Variants in GALNT13 observed in about 807,000 individuals in gnomAD.
GALNT13 encodes the protein UDP-GalNAc:polypeptide N-acetylgalactosaminyltransferase 13.
A neutral mutation model predicts 64.2 loss-of-function variants in GALNT13; 28 were observed. That is an observed-to-expected ratio of 0.44 (90% CI 0.32 to 0.60). The LOEUF (loss-of-function observed/expected upper bound fraction) is 0.60. Among genes scored for constraint, GALNT13 ranks in the 20% least tolerant of loss-of-function variants. The pLI, the probability that GALNT13 is intolerant of heterozygous loss-of-function variation, is 0.05. For synonymous variants in GALNT13, 214 were observed against 224.6 expected (o/e 0.95, Z 0.42); for missense variants, 577 against 669.8 (o/e 0.86, Z 1.53).
the GALNT13 span, among the ~76,000 whole-genome samples, chr2:153,746,887 T>C: frequency 6.6e-6 from 1 of 152,230 alleles, no homozygotes; most frequent in African/African-American, 2.4e-5. Context: ...TGGATATAAT[T>C]TCTGTAAAAA....
At chr2:153,268,569 C>G in the GALNT13 span, among the ~76,000 whole-genome samples, 5 of 152,258 alleles carry the variant, frequency 3.3e-5, no homozygotes, top group East Asian at 7.7e-4. Context: ...AAGTGGCCCT[C>G]TTTTTACAGT....
the GALNT13 span, among the ~76,000 whole-genome samples, chr2:153,102,257 T>C: frequency 6.6e-6 from 1 of 152,138 alleles, no homozygotes; most frequent in Non-Finnish European, 1.5e-5. Context: ...TGCTTCTGTC[T>C]TTAGATATAG....
the GALNT13 span, among the ~76,000 whole-genome samples, chr2:153,257,126 C>T: frequency 1.8e-3 from 271 of 152,320 alleles, 6 homozygotes; most frequent in East Asian, 0.042. Context: ...TAGGACCCTC[C>T]GAGCCAGGTG....
At chr2:154,158,332 TCTTA>T (rs1393807398) in intron 4 of GALNT13, among the ~76,000 whole-genome samples, 3 of 152,170 alleles carry the variant, frequency 2.0e-5, no homozygotes, top group Non-Finnish European at 4.4e-5. Flanking sequence ...CATCTCTTTC[TCTTA>T]CTATCAACAT....
At chr2:153,190,364 G>T in the GALNT13 span, among the ~76,000 whole-genome samples, 1 of 151,952 alleles carries the variant, frequency 6.6e-6, no homozygotes, top group South Asian at 2.1e-4. Context: ...TATGCTCTTG[G>T]CACCTTTGTC....
chr2:153,745,518 G>A, the GALNT13 span, among the ~76,000 whole-genome samples: 1 of 151,828 alleles, frequency 6.6e-6, no homozygotes, highest in Non-Finnish European at 1.5e-5. Flanking sequence ...TCTCATTCTC[G>A]GCAGGTAATT....
chr2:153,719,108 T>C, the GALNT13 span, among the ~76,000 whole-genome samples: 2 of 152,116 alleles, frequency 1.3e-5, no homozygotes, highest in Non-Finnish European at 2.9e-5. Flanking sequence ...ATTTTCTGTC[T>C]TCATATTTAA....
chr2:154,145,092 C>CTATATATATATA (rs1380676288), intron 4 of GALNT13, among the ~76,000 whole-genome samples: 1 of 127,784 alleles, frequency 7.8e-6, no homozygotes, highest in Non-Finnish European at 1.7e-5. Flanking sequence ...ATCTATCTAT[C>CTATATATATATA]TATCTATCTA....
At chr2:153,463,821 C>G in the GALNT13 span, among the ~76,000 whole-genome samples, 2 of 152,118 alleles carry the variant, frequency 1.3e-5, no homozygotes, top group East Asian at 3.9e-4. Flanking sequence ...ATAGTTGAGA[C>G]AAAACAGTAG....
intron 4 of GALNT13, among the ~76,000 whole-genome samples, chr2:154,163,925 A>G (rs1684879873): frequency 6.6e-6 from 1 of 152,180 alleles, no homozygotes; most frequent in South Asian, 2.1e-4. Context: ...TTATAAAATA[A>G]TAGTATTGAC....
At chr2:154,448,844 A>G (rs1204413060) in intron 12 of GALNT13, among the ~76,000 whole-genome samples, 2 of 151,998 alleles carry the variant, frequency 1.3e-5, no homozygotes, top group Non-Finnish European at 2.9e-5. Context: ...GGGCAATGAC[A>G]TATTTGATAT....
chr2:154,453,154 G>C lies in GALNT13; in HGVS notation c.*2603G>C, dbSNP rs1382262702. The C allele has an allele frequency of 5.3e-5, 8 of 152,054 alleles. No individual in the cohort carries two copies. Among genetic ancestry groups the C allele is most frequent in the African/African-American group, 1.7e-4 (7 of 41,404 alleles). The allele number at this position is 152,054 out of a possible 1,614,324, so 9.4% of individuals were successfully genotyped here. A position where few individuals can be genotyped will look rare whatever the true frequency, so the allele number is the denominator to read the frequency against. On this transcript the variant is annotated 3_prime_UTR_variant, in exon 13 of 13. Coordinates refer to ENST00000392825, the MANE Select transcript of GALNT13 (RefSeq NM_052917.4). ...TTAATCGCAATATGCTTATTATTTAGTTCCCTAATTTCCCAGTCCTTGTCT... is the reference window on the plus strand; with the variant it reads ...TTAATCGCAATATGCTTATTATTTACTTCCCTAATTTCCCAGTCCTTGTCT...
the GALNT13 span, among the ~76,000 whole-genome samples, chr2:153,500,330 G>A: frequency 6.6e-6 from 1 of 152,158 alleles, no homozygotes; most frequent in African/African-American, 2.4e-5. Flanking sequence ...AATGAAACAA[G>A]AGGGTAAGGA....
intron 4 of GALNT13, among the ~76,000 whole-genome samples, chr2:154,225,160 T>TGATAGATGATAGATAGATAGATAGATA (rs1553499133): frequency 1.4e-5 from 2 of 138,024 alleles, no homozygotes; most frequent in African/African-American, 5.5e-5. Flanking sequence ...GATAGATAGA[T>TGATAGATGATAGATAGATAGATAGATA]GATAGATAGA....
At chr2:153,205,350 T>C in the GALNT13 span, among the ~76,000 whole-genome samples, 7 of 152,218 alleles carry the variant, frequency 4.6e-5, no homozygotes, top group East Asian at 1.4e-3. Context: ...GCTGATCTAA[T>C]GTCACTTCCG....
the GALNT13 span, among the ~76,000 whole-genome samples, chr2:153,334,543 A>G: frequency 6.6e-6 from 1 of 152,094 alleles, no homozygotes; most frequent in East Asian, 1.9e-4. Context: ...ACAAAATGAT[A>G]AAGATTTTTT....
At chr2:154,426,978 C>T (rs974337399) in intron 11 of GALNT13, among the ~76,000 whole-genome samples, 6 of 152,052 alleles carry the variant, frequency 3.9e-5, no homozygotes, top group African/African-American at 1.4e-4. Context: ...GTTATTGAGT[C>T]CACAAGATTT....
the GALNT13 span, among the ~76,000 whole-genome samples, chr2:153,116,841 C>G: frequency 6.8e-5 from 10 of 146,498 alleles, no homozygotes; most frequent in East Asian, 2.0e-3. Flanking sequence ...ACTCTGTCCC[C>G]CAGGCTGGAG....
chr2:153,945,858 G>A (rs564767794), intron 3 of GALNT13, among the ~76,000 whole-genome samples: 5 of 152,152 alleles, frequency 3.3e-5, no homozygotes, highest in Non-Finnish European at 5.9e-5. Context: ...CTTCTGAATC[G>A]CTTCCTTGTC....
Sources: allele counts gnomAD v4.1 joint callset (sites outside exome capture counted in the v4.1 genomes callset), GRCh38; gene constraint gnomAD v4.1.1; transcripts MANE v1.5; gene names NCBI Gene and HGNC (gene_info 2026-07-23, HGNC 2026-07-21).